TTC29: variants seen among roughly 807,000 people sequenced by gnomAD.
TTC29 encodes tetratricopeptide repeat domain 29, also known as tetratricopeptide repeat protein 29.
A neutral mutation model predicts 58.1 loss-of-function variants in TTC29; 49 were observed. The ratio of observed to expected loss-of-function variants is 0.84; its 90% CI spans 0.67 to 1.07. TTC29 has a LOEUF of 1.07. TTC29 is among the 50% of genes least tolerant of loss of function. TTC29 has a pLI of 0.00. For synonymous variants in TTC29, 209 were observed against 196.8 expected (o/e 1.06, Z -0.52); for missense variants, 582 against 555.6 (o/e 1.05, Z -0.48).
intron 11 of TTC29, among the ~76,000 whole-genome samples, chr4:146,802,377 G>T (rs767057248): frequency 2.0e-5 from 3 of 152,132 alleles, no homozygotes; most frequent in African/African-American, 7.2e-5. Context: ...TAAATATTTT[G>T]GGGGTGTTTG....
chr4:146,782,365 G>T (rs999939469), intron 11 of TTC29, among the ~76,000 whole-genome samples: 4 of 151,438 alleles, frequency 2.6e-5, no homozygotes, highest in Admixed American at 6.6e-5. Context: ...ATTATTATTT[G>T]AAATCAATGG....
chr4:146,884,340 G>GA (rs1011232595), intron 6 of TTC29, among the ~76,000 whole-genome samples: 1 of 152,086 alleles, frequency 6.6e-6, no homozygotes, highest in Non-Finnish European at 1.5e-5. Context: ...AATTTACTCT[G>GA]AAAAATGAAG....
In TTC29 at chr4:146,937,400, G is replaced by A. The variant is rs551367621; in HGVS notation, c.176+194C>T. Among the ~76,000 whole-genome samples, 25 of 151,992 alleles carry A rather than the reference G, an allele frequency of 1.6e-4. No homozygotes were observed. The South Asian group carries it at 5.0e-3, about 30-fold the overall frequency. On this transcript the variant is annotated intron_variant, in intron 4 of 12. Transcript: ENST00000325106. ...ATCTTGGTAAATATGGGAATTTTGA[G>A]AGCCATAAAATTAAAGACTTTGATA...
chr4:146,762,007 G>T (rs1032694319), intron 11 of TTC29, among the ~76,000 whole-genome samples: 1 of 151,494 alleles, frequency 6.6e-6, no homozygotes, highest in Admixed American at 6.6e-5. Context: ...ATGACCTTGT[G>T]TTTTTTTTCT....
chr4:146,934,190 G>C (rs1260524596), intron 4 of TTC29: 1 of 152,214 alleles, frequency 6.6e-6, no homozygotes, highest in Non-Finnish European at 1.5e-5. Flanking sequence ...AGTGGGTGTG[G>C]GAAGAGCAGT....
At chr4:146,879,390 T>G (rs1429146289) in intron 6 of TTC29, among the ~76,000 whole-genome samples, 1 of 150,410 alleles carries the variant, frequency 6.6e-6, no homozygotes, top group Non-Finnish European at 1.5e-5. Flanking sequence ...ATCATCTTAT[T>G]TTCTGAGTAA....
intron 11 of TTC29, among the ~76,000 whole-genome samples, chr4:146,725,426 C>T (rs1743710064): frequency 6.6e-6 from 1 of 151,986 alleles, no homozygotes. Flanking sequence ...TTCCCAGCTA[C>T]TTGGGAGGCT....
intron 7 of TTC29, among the ~76,000 whole-genome samples, chr4:146,871,621 C>A (rs142681237): frequency 8.6e-5 from 13 of 151,464 alleles, no homozygotes; most frequent in Non-Finnish European, 1.8e-4. Flanking sequence ...AGGTTATGAA[C>A]GATCTGAAAA....
At chr4:146,806,464 C>T (rs559455289) in intron 10 of TTC29, among the ~76,000 whole-genome samples, 7 of 152,138 alleles carry the variant, frequency 4.6e-5, no homozygotes, top group African/African-American at 1.4e-4. Flanking sequence ...GAAGACCCAT[C>T]GGTGTGCTTT....
At chr4:146,858,667 C>A (rs1352654818) in intron 8 of TTC29, among the ~76,000 whole-genome samples, 1 of 152,132 alleles carries the variant, frequency 6.6e-6, no homozygotes, top group African/African-American at 2.4e-5. Context: ...TTTTAGTTAT[C>A]TGCGTGTTAA....
chr4:146,774,845 G>T (rs1160319793), intron 11 of TTC29, among the ~76,000 whole-genome samples: 1 of 151,968 alleles, frequency 6.6e-6, no homozygotes, highest in Non-Finnish European at 1.5e-5. Context: ...GTGTCAGTGG[G>T]GTGTCAATGT....
At chr4:146,929,541 C>T (rs1410105351) in intron 4 of TTC29, among the ~76,000 whole-genome samples, 2 of 152,216 alleles carry the variant, frequency 1.3e-5, no homozygotes, top group African/African-American at 2.4e-5. Flanking sequence ...ATTTTATATA[C>T]ATGTCTAAGT....
rs2150349421 is a variant in TTC29, at chr4:146,945,824, A to C, written c.-169T>G. The C allele has an allele frequency of 6.6e-6, 1 of 152,450 alleles. No individual in the cohort carries two copies. Among genetic ancestry groups the C allele is most frequent in the South Asian group, 2.1e-4 (1 of 4,830 alleles). The allele number at this position is 152,450 out of a possible 1,614,324, so 9.4% of individuals were successfully genotyped here. A position where few individuals can be genotyped will look rare whatever the true frequency, so the allele number is the denominator to read the frequency against. ...CCCCCTCCTCTCTCAGTGATTCCGAAGCCTGGCTCCGCCGGAGCGGAGACA... is the reference window on the plus strand; with the variant it reads ...CCCCCTCCTCTCTCAGTGATTCCGACGCCTGGCTCCGCCGGAGCGGAGACA... On this transcript the variant is annotated 5_prime_UTR_variant, in exon 1 of 13. Transcript: ENST00000325106.
intron 11 of TTC29, among the ~76,000 whole-genome samples, chr4:146,761,582 TA>T (rs1360277353): frequency 6.6e-6 from 1 of 151,780 alleles, no homozygotes; most frequent in Non-Finnish European, 1.5e-5. Context: ...TTTTTTGAGT[TA>T]GGGGGTCAAA....
intron 11 of TTC29, among the ~76,000 whole-genome samples, chr4:146,730,490 AT>A (rs1288605020): frequency 6.6e-6 from 1 of 152,182 alleles, no homozygotes; most frequent in East Asian, 1.9e-4. Context: ...GGATATAATA[AT>A]TAGAGAATGA....
chr4:146,892,121 T>G (rs954940361), intron 6 of TTC29, among the ~76,000 whole-genome samples: 2 of 152,142 alleles, frequency 1.3e-5, no homozygotes, highest in East Asian at 3.8e-4. Flanking sequence ...GGGGGCAGAC[T>G]TCCCCCTTGC....
intron 8 of TTC29, among the ~76,000 whole-genome samples, chr4:146,849,960 T>C (rs1324123099): frequency 1.3e-5 from 2 of 152,214 alleles, no homozygotes; most frequent in African/African-American, 4.8e-5. Flanking sequence ...CCCTACCTCT[T>C]GCCTTGGAAC....
At chr4:146,807,821 C>A (rs901069022) in intron 10 of TTC29, among the ~76,000 whole-genome samples, 2 of 152,170 alleles carry the variant, frequency 1.3e-5, no homozygotes, top group African/African-American at 4.8e-5. Flanking sequence ...CAAAGAGGAG[C>A]TGGTACCATT....
intron 7 of TTC29, among the ~76,000 whole-genome samples, chr4:146,868,469 C>T (rs1232177143): frequency 6.6e-6 from 1 of 152,124 alleles, no homozygotes; most frequent in Non-Finnish European, 1.5e-5. Context: ...AATCCAAACA[C>T]TTTTCTTTAC....
Sources: gnomAD v4.1 joint callset for allele counts (sites outside exome capture counted in the v4.1 genomes callset) on GRCh38, gnomAD v4.1.1 for gene constraint, MANE v1.5 for transcripts, NCBI Gene and HGNC (gene_info 2026-07-23, HGNC 2026-07-21) for gene names.